SYT1: variants seen among roughly 807,000 people sequenced by gnomAD.
SYT1 encodes synaptotagmin-1.
A neutral mutation model predicts 44.8 loss-of-function variants in SYT1; 8 were observed. The observed-to-expected ratio is 0.18, with a 90% CI of 0.10 to 0.32. The LOEUF (loss-of-function observed/expected upper bound fraction) is 0.32. SYT1 is among the 10% of genes least tolerant of loss of function. The pLI is 1.00. For missense variants in SYT1, 286 were observed against 509.3 expected (o/e 0.56, Z 4.22); for synonymous variants, 154 against 188.8 (o/e 0.82, Z 1.51).
In SYT1 at chr12:79,178,370, C is replaced by A. The variant is rs141667720; in HGVS notation, c.-17-39133C>A. On this transcript the variant is annotated intron_variant, in intron 3 of 10. Transcript: ENST00000261205. ...CACCATTATTTTTCTTTTTCATGCT[C>A]GTATTGTCTGAAATTTAGCTGATGA... is the stretch of plus-strand genomic sequence containing the variant. Among the ~76,000 whole-genome samples the A allele has an allele frequency of 1.6e-3, 238 of 151,908 alleles. 1 individual carries two copies. The highest frequency in any genetic ancestry group is 5.4e-3 in the African/African-American group (225 of 41,478).
At chr12:78,943,282 G>T (rs559377359) in intron 1 of SYT1, among the ~76,000 whole-genome samples, 1 of 152,068 alleles carries the variant, frequency 6.6e-6, no homozygotes. Context: ...AATTTAATAG[G>T]TTCATGGGCC....
At chr12:79,339,131 G>A (rs1175533288) in intron 8 of SYT1, among the ~76,000 whole-genome samples, 4 of 152,092 alleles carry the variant, frequency 2.6e-5, no homozygotes, top group South Asian at 4.2e-4. Flanking sequence ...ATAAACATAC[G>A]TGTGCATGTG....
intron 9 of SYT1, among the ~76,000 whole-genome samples, chr12:79,367,593 C>T (rs1265849112): frequency 6.6e-6 from 1 of 151,934 alleles, no homozygotes; most frequent in Non-Finnish European, 1.5e-5. Flanking sequence ...ATCCAAACAC[C>T]CTTTGACTCT....
chr12:79,362,434 A>G (rs1253287252), intron 9 of SYT1, among the ~76,000 whole-genome samples: 2 of 152,140 alleles, frequency 1.3e-5, no homozygotes, highest in Non-Finnish European at 2.9e-5. Context: ...TGCTACCCCA[A>G]AAAAGGCTTG....
chr12:79,177,188 C>A (rs1273816881), intron 3 of SYT1, among the ~76,000 whole-genome samples: 1 of 97,738 alleles, frequency 1.0e-5, no homozygotes, highest in Non-Finnish European at 2.0e-5. Flanking sequence ...CAATGCTATC[C>A]CTCCCCCCTC....
At chr12:79,388,897 C>G (rs1884546372) in intron 9 of SYT1, among the ~76,000 whole-genome samples, 1 of 152,160 alleles carries the variant, frequency 6.6e-6, no homozygotes. Context: ...GTCCAGCCCT[C>G]TTTGTCTAAG....
At chr12:79,325,141 A>G (rs1881552007) in intron 8 of SYT1, among the ~76,000 whole-genome samples, 1 of 152,168 alleles carries the variant, frequency 6.6e-6, no homozygotes, top group African/African-American at 2.4e-5. Flanking sequence ...GTATCTTCCC[A>G]GGAAAAGCAT....
chr12:79,016,220 G>A (rs542668638), intron 2 of SYT1, among the ~76,000 whole-genome samples: 1 of 152,260 alleles, frequency 6.6e-6, no homozygotes, highest in East Asian at 1.9e-4. Context: ...TCTGTGTGAG[G>A]TAGGACATGT....
chr12:79,041,725 A>G (rs1255192868), intron 2 of SYT1, among the ~76,000 whole-genome samples: 57 of 151,110 alleles, frequency 3.8e-4, no homozygotes, highest in African/African-American at 5.1e-4. Flanking sequence ...GAATGCTTCC[A>G]GTTTTTGCCC....
chr12:79,364,502 C>A (rs1204773835), intron 9 of SYT1, among the ~76,000 whole-genome samples: 2 of 152,050 alleles, frequency 1.3e-5, no homozygotes, highest in Non-Finnish European at 2.9e-5. Flanking sequence ...CGGCTGACAG[C>A]CTTTTTAAAT....
intron 1 of SYT1, among the ~76,000 whole-genome samples, chr12:78,912,468 A>G (rs1308577929): frequency 1.3e-5 from 2 of 151,962 alleles, no homozygotes; most frequent in East Asian, 1.9e-4. Flanking sequence ...CATTGAAAAA[A>G]ATAACATTTA....
Position 79,303,690 on chromosome 12 carries a change from C to T in SYT1, c.810+4139C>T, listed in dbSNP as rs184996658. On this transcript the variant is annotated intron_variant, in intron 8 of 10. Transcript: ENST00000261205. ...AAATCAATTTTGCAAGAAAATTTCA[C>T]ATTTTTAAGCCTAATTAGAAAAAGA... is the stretch of plus-strand genomic sequence containing the variant. Among the ~76,000 whole-genome samples, 38 of 152,234 alleles carry T rather than the reference C, an allele frequency of 2.5e-4. No homozygotes were observed. In the East Asian group the frequency reaches 7.0e-3, roughly 28 times the overall value.
At chr12:79,288,958 C>G (rs1184098203) in intron 5 of SYT1, among the ~76,000 whole-genome samples, 1 of 152,028 alleles carries the variant, frequency 6.6e-6, no homozygotes, top group Non-Finnish European at 1.5e-5. Context: ...AGAGGCTGAA[C>G]TAAATTGATT....
At chr12:79,017,524 C>A (rs187746064) in intron 2 of SYT1, among the ~76,000 whole-genome samples, 319 of 152,068 alleles carry the variant, frequency 2.1e-3, no homozygotes, top group African/African-American at 7.4e-3. Context: ...TACCAACAAA[C>A]TGATAGATGA....
intron 1 of SYT1, among the ~76,000 whole-genome samples, chr12:78,902,819 T>C (rs1011711381): frequency 3.2e-4 from 49 of 152,288 alleles, no homozygotes; most frequent in African/African-American, 1.2e-3. Flanking sequence ...TGACATCTGA[T>C]ACTCATGAAA....
At chr12:79,009,188 G>A (rs530080462) in intron 2 of SYT1, among the ~76,000 whole-genome samples, 1 of 152,054 alleles carries the variant, frequency 6.6e-6, no homozygotes, top group Non-Finnish European at 1.5e-5. Flanking sequence ...CTCTATAAAT[G>A]GTTAGTACTT....
chr12:78,960,083 C>T (rs1879424781), intron 1 of SYT1, among the ~76,000 whole-genome samples: 1 of 152,046 alleles, frequency 6.6e-6, no homozygotes, highest in African/African-American at 2.4e-5. Flanking sequence ...ATTTTACCGT[C>T]TAATAGTCAA....
At chr12:78,967,114 C>T (rs915629597) in intron 1 of SYT1, among the ~76,000 whole-genome samples, 4 of 152,084 alleles carry the variant, frequency 2.6e-5, no homozygotes, top group African/African-American at 9.7e-5. Flanking sequence ...ACATCTTATG[C>T]TCAATTTAAC....
intron 3 of SYT1, among the ~76,000 whole-genome samples, chr12:79,180,432 C>T (rs904950723): frequency 1.3e-5 from 2 of 151,806 alleles, no homozygotes; most frequent in East Asian, 3.9e-4. Flanking sequence ...TTAGTCCATT[C>T]TCACATTGTT....
Sources: gnomAD v4.1 joint callset for allele counts (sites outside exome capture counted in the v4.1 genomes callset) on GRCh38, gnomAD v4.1.1 for gene constraint, MANE v1.5 for transcripts, NCBI Gene and HGNC (gene_info 2026-07-23, HGNC 2026-07-21) for gene names.